FGF7: variants seen among roughly 807,000 people sequenced by gnomAD.
The protein encoded by FGF7 is FGF-7.
A neutral mutation model predicts 20.5 loss-of-function variants in FGF7; 6 were observed. That is an observed-to-expected ratio of 0.29 (90% CI 0.16 to 0.58). The LOEUF is 0.58. FGF7 is among the 20% of genes least tolerant of loss of function. The probability of loss-of-function intolerance (pLI) is 0.90; values close to 1 mark genes in which losing one functional copy is unlikely to be tolerated. For synonymous variants in FGF7, 64 were observed against 74.7 expected (o/e 0.86, Z 0.74); for missense variants, 144 against 228.8 (o/e 0.63, Z 2.39).
chr15:49,468,257 A>T (rs2054439886), intron 2 of FGF7, among the ~76,000 whole-genome samples: 1 of 152,140 alleles, frequency 6.6e-6, no homozygotes, highest in African/African-American at 2.4e-5. Flanking sequence ...AATGAGGATG[A>T]TGTGGAATCA....
intron 2 of FGF7, among the ~76,000 whole-genome samples, chr15:49,447,062 C>T (rs181887894): frequency 3.3e-5 from 5 of 151,558 alleles, no homozygotes; most frequent in African/African-American, 9.7e-5. Context: ...ATTCTACTAA[C>T]ATTACCCTAA....
At chr15:49,472,579 A>G (rs1432367081) in intron 2 of FGF7, among the ~76,000 whole-genome samples, 2 of 152,210 alleles carry the variant, frequency 1.3e-5, no homozygotes, top group Non-Finnish European at 2.9e-5. Flanking sequence ...AGGAGAGAAT[A>G]AAAGTTGGGA....
intron 2 of FGF7, among the ~76,000 whole-genome samples, chr15:49,433,790 C>T (rs1432407624): frequency 6.6e-6 from 1 of 151,634 alleles, no homozygotes; most frequent in African/African-American, 2.4e-5. Context: ...CATTTTTGTT[C>T]CCACCTGACT....
At chr15:49,435,109 G>T (rs1257767935) in intron 2 of FGF7, among the ~76,000 whole-genome samples, 1 of 151,466 alleles carries the variant, frequency 6.6e-6, no homozygotes, top group Non-Finnish European at 1.5e-5. Flanking sequence ...GAAGTGAGAG[G>T]GGGGTACATG....
chr15:49,466,798 T>A (rs1278019174), intron 2 of FGF7, among the ~76,000 whole-genome samples: 1 of 152,184 alleles, frequency 6.6e-6, no homozygotes, highest in East Asian at 1.9e-4. Flanking sequence ...CCTTTTTAAA[T>A]TTTTTAATTA....
At chr15:49,443,879 A>G (rs1402779674) in intron 2 of FGF7, among the ~76,000 whole-genome samples, 1 of 151,580 alleles carries the variant, frequency 6.6e-6, no homozygotes, top group Non-Finnish European at 1.5e-5. Flanking sequence ...AGAATTTGTA[A>G]TGAACTATGT....
intron 2 of FGF7, among the ~76,000 whole-genome samples, chr15:49,472,072 T>G (rs2151969707): frequency 6.6e-6 from 1 of 151,562 alleles, no homozygotes; most frequent in South Asian, 2.1e-4. Context: ...ACAACAGTGT[T>G]GAAAATAAGA....
At chr15:49,473,229 C>T (rs11854671) in intron 2 of FGF7, among the ~76,000 whole-genome samples, 38,545 of 151,966 alleles carry the variant, frequency 0.25, 5,747 homozygotes, top group Non-Finnish European at 0.35. Flanking sequence ...GTTTAGTTAA[C>T]TCATCCTTTT....
At chr15:49,448,656 T>C (rs1156692120) in intron 2 of FGF7, among the ~76,000 whole-genome samples, 2 of 151,512 alleles carry the variant, frequency 1.3e-5, no homozygotes, top group Non-Finnish European at 3.0e-5. Context: ...TATTTTTTGA[T>C]GAACATCCAC....
chr15:49,457,088 GA>G (rs1350552172), intron 2 of FGF7, among the ~76,000 whole-genome samples: 1 of 151,940 alleles, frequency 6.6e-6, no homozygotes, highest in Non-Finnish European at 1.5e-5. Context: ...GTCAAAATAG[GA>G]AGACTCCATA....
chr15:49,477,867 G>A lies in FGF7; in HGVS notation c.287-5284G>A, dbSNP rs182126369. 5.3e-5 allele frequency among the ~76,000 whole-genome samples: 8 copies of A among 152,246 alleles called. No homozygotes were observed. In the East Asian group the frequency reaches 1.2e-3, roughly 22 times the overall value. The stretch of plus-strand genomic sequence containing the variant: ...TGTTAGTTTTTTGGAGTTTAGTCAC[G>A]CTAATAGTTGTACAGAGGTATCTCA... On this transcript the variant is annotated intron_variant, in intron 2 of 3. Coordinates refer to ENST00000267843, the MANE Select transcript of FGF7 (RefSeq NM_002009.4).
intron 2 of FGF7, among the ~76,000 whole-genome samples, chr15:49,472,896 T>C (rs754402763): frequency 7.0e-6 from 1 of 143,556 alleles, no homozygotes; most frequent in Non-Finnish European, 1.6e-5. Context: ...GAAAGGAGTA[T>C]CTAATTTTTT....
Position 49,487,942 on chromosome 15 carries a change from G to C in FGF7, c.*3438G>C, listed in dbSNP as rs1157095890. 1 of 151,938 alleles carries C rather than the reference G, an allele frequency of 6.6e-6. No homozygotes were observed. The highest frequency in any genetic ancestry group is 2.4e-5 in the African/African-American group (1 of 41,412). The allele number at this position is 151,938 out of a possible 1,614,324, so 9.4% of individuals were successfully genotyped here. On this transcript the variant is annotated 3_prime_UTR_variant, in exon 4 of 4. Coordinates refer to ENST00000267843, the MANE Select transcript of FGF7 (RefSeq NM_002009.4). The stretch of plus-strand genomic sequence containing the variant: ...ACTTGAGCGTGAATGAGACACAAAA[G>C]ATTATTTGCCTCCCATAATCCAACT...
chr15:49,433,598 G>A (rs1175190866), intron 2 of FGF7, among the ~76,000 whole-genome samples: 4 of 151,494 alleles, frequency 2.6e-5, no homozygotes. Flanking sequence ...AAAAAAAATG[G>A]CCTCCAGAAC....
intron 2 of FGF7, among the ~76,000 whole-genome samples, chr15:49,428,581 G>A (rs10519225): frequency 0.28 from 42,057 of 151,852 alleles, 7,131 homozygotes; most frequent in Non-Finnish European, 0.38. Context: ...TTTAAGCTGA[G>A]TATTGAGGTG....
chr15:49,452,783 C>T (rs1402707113), intron 2 of FGF7, among the ~76,000 whole-genome samples: 1 of 152,098 alleles, frequency 6.6e-6, no homozygotes, highest in Non-Finnish European at 1.5e-5. Flanking sequence ...ATAATGAATA[C>T]TGTATATGTG....
intron 2 of FGF7, among the ~76,000 whole-genome samples, chr15:49,475,535 T>C (rs554184451): frequency 6.6e-6 from 1 of 152,286 alleles, no homozygotes; most frequent in East Asian, 1.9e-4. Flanking sequence ...ACAGTAAAAT[T>C]TGAAAATAAA....
chr15:49,434,684 G>A (rs988825572), intron 2 of FGF7: 6 of 151,348 alleles, frequency 4.0e-5, no homozygotes, highest in African/African-American at 1.5e-4. Flanking sequence ...AAAAATATAA[G>A]AACATTTACT....
At chr15:49,452,703 C>CA (rs1436420998) in intron 2 of FGF7, among the ~76,000 whole-genome samples, 1 of 152,076 alleles carries the variant, frequency 6.6e-6, no homozygotes, top group Admixed American at 6.6e-5. Context: ...GAGTCAGTCT[C>CA]TCTGAATCTT....
Sources: allele counts gnomAD v4.1 joint callset (sites outside exome capture counted in the v4.1 genomes callset), GRCh38; gene constraint gnomAD v4.1.1; transcripts MANE v1.5; gene names NCBI Gene and HGNC (gene_info 2026-07-23, HGNC 2026-07-21).